The following CELF2 variants were observed in gnomAD, a reference collection of about 807,000 sequenced individuals.
CELF2 encodes CUG triplet repeat RNA-binding protein 2.
CELF2 carries 8 observed loss-of-function variants against 62.6 expected under a neutral mutation model. That is an observed-to-expected ratio of 0.13 (90% CI 0.07 to 0.23). The LOEUF (loss-of-function observed/expected upper bound fraction) is 0.23, where lower values mean the gene tolerates loss of function less well. CELF2 is among the 10% of genes least tolerant of loss of function. CELF2 has a pLI of 1.00. For missense variants in CELF2, 333 were observed against 671.0 expected, an observed-to-expected ratio of 0.50 and a Z score of 5.56; for synonymous variants, 258 against 250.0, an observed-to-expected ratio of 1.03 and a Z score of -0.30.
the CELF2 span, among the ~76,000 whole-genome samples, chr10:10,497,854 C>T: frequency 6.6e-6 from 1 of 152,330 alleles, no homozygotes; most frequent in East Asian, 1.9e-4. Flanking sequence ...TGAGCAAGGA[C>T]ATAACTGGAC....
At chr10:11,284,968 G>A (rs1056208186) in intron 8 of CELF2, among the ~76,000 whole-genome samples, 9 of 111,500 alleles carry the variant, frequency 8.1e-5, no homozygotes, top group African/African-American at 3.1e-4. Flanking sequence ...ATGAGGGATG[G>A]ATGAGTGTGT....
chr10:10,540,264 T>C, the CELF2 span, among the ~76,000 whole-genome samples: 1 of 152,182 alleles, frequency 6.6e-6, no homozygotes, highest in African/African-American at 2.4e-5. Context: ...ACTCACAGAC[T>C]AAAAACCCAA....
At chr10:10,599,445 C>T in the CELF2 span, among the ~76,000 whole-genome samples, 1 of 152,178 alleles carries the variant, frequency 6.6e-6, no homozygotes, top group East Asian at 1.9e-4. Context: ...TTCATATTTA[C>T]TAGCAGTAGG....
chr10:10,965,398 A>G (rs2050016987), intron 2 of CELF2, among the ~76,000 whole-genome samples: 2 of 152,198 alleles, frequency 1.3e-5, no homozygotes, highest in South Asian at 4.1e-4. Flanking sequence ...GCTTTAATTG[A>G]TCTGTGATTA....
rs1342064789 is a variant in CELF2, at chr10:11,268,152, A to T, written c.618+1475A>T. On this transcript the variant is annotated intron_variant, in intron 6 of 12. Coordinates refer to ENST00000633077, the MANE Select transcript of CELF2 (RefSeq NM_001326342.2). The surrounding 1 kb of genome is among the most constrained non-coding windows in gnomAD (Gnocchi z 4.7). ...TACTGAGGCCGCTCCATTCCTGTGG[A>T]TTAGCCTGATTTCCAGCCACATTTT... Among the ~76,000 whole-genome samples the T allele has an allele frequency of 6.6e-6, 1 of 152,158 alleles. No individual in the cohort carries two copies. Among genetic ancestry groups the T allele is most frequent in the South Asian group, 2.1e-4 (1 of 4,826 alleles).
rs1315898073 is a variant in CELF2, at chr10:11,011,575, C to T, written c.53+6135C>T. On this transcript the variant is annotated intron_variant, in intron 1 of 12. Transcript: ENST00000416382. This position sits in a 1 kb window ranked among gnomAD's most constrained non-coding sequence, Gnocchi z 4.6. ...TCTTACCTGCCCTATTCCTATGAAA[C>T]AGGGCAAATATGTAGCTATTCATAT... Among the ~76,000 whole-genome samples the T allele has an allele frequency of 6.6e-6, 1 of 151,662 alleles. No homozygotes were observed. The highest frequency in any genetic ancestry group is 1.5e-5 in the Non-Finnish European group (1 of 67,974).
At position 11,224,397 on chromosome 10, in the gene CELF2, C is replaced by T. The variant is rs1330659596; in HGVS notation, c.354+6890C>T. Among the ~76,000 whole-genome samples, 1 of 152,034 alleles carries T rather than the reference C, an allele frequency of 6.6e-6. No homozygotes were observed. The highest frequency in any genetic ancestry group is 1.5e-5 in the Non-Finnish European group (1 of 68,008). On this transcript the variant is annotated intron_variant, in intron 3 of 12. Transcript: ENST00000633077. This position sits in a 1 kb window ranked among gnomAD's most constrained non-coding sequence, Gnocchi z 4.5. ...AGGATGGTACAATGGCAAAATGAAG[C>T]CATAGTTAGATTTCAGAGATAATCA...
intron 3 of CELF2, among the ~76,000 whole-genome samples, chr10:11,241,635 C>G (rs2073934874): frequency 6.6e-6 from 1 of 152,130 alleles, no homozygotes; most frequent in Non-Finnish European, 1.5e-5. Context: ...GAAGGTTCTT[C>G]TTTAGTGCTG....
At chr10:11,149,644 T>C (rs2062948646) in intron 1 of CELF2, among the ~76,000 whole-genome samples, 1 of 152,248 alleles carries the variant, frequency 6.6e-6, no homozygotes, top group South Asian at 2.1e-4. Context: ...TCCCGTGCTC[T>C]GCTCTCACTG....
the CELF2 span, among the ~76,000 whole-genome samples, chr10:10,525,855 C>T: frequency 6.6e-6 from 1 of 152,182 alleles, no homozygotes; most frequent in East Asian, 1.9e-4. Flanking sequence ...GTGGATCATA[C>T]TGGATCATAT....
chr10:10,943,567 A>G (rs1167719467), intron 2 of CELF2, among the ~76,000 whole-genome samples: 1 of 152,174 alleles, frequency 6.6e-6, no homozygotes, highest in Admixed American at 6.5e-5. Flanking sequence ...AGAACTAGCT[A>G]TATCAGCTAC....
chr10:11,085,043 A>G (rs1438179283), intron 1 of CELF2, among the ~76,000 whole-genome samples: 1 of 152,224 alleles, frequency 6.6e-6, no homozygotes, highest in Non-Finnish European at 1.5e-5. Context: ...TGATAATACA[A>G]TGATATTCTC....
In CELF2 at chr10:11,029,300, T is replaced by C. The variant is rs191593991; in HGVS notation, c.74+11137T>C. On this transcript the variant is annotated intron_variant, in intron 1 of 12. Coordinates refer to ENST00000633077, the MANE Select transcript of CELF2 (RefSeq NM_001326342.2). ...GGTTAATAAAAAAGGCACTTCTTTA[T>C]TCTGATGTAGCTGATAGGGTCTTTG... is the stretch of plus-strand genomic sequence containing the variant. 3.1e-3 allele frequency among the ~76,000 whole-genome samples: 471 copies of C among 152,322 alleles called. 12 individuals are homozygous for C. The highest frequency in any genetic ancestry group is 2.0e-3 in the Non-Finnish European group (136 of 68,024).
the CELF2 span, among the ~76,000 whole-genome samples, chr10:10,664,581 A>G: frequency 6.6e-5 from 10 of 152,208 alleles, no homozygotes; most frequent in Non-Finnish European, 1.2e-4. Flanking sequence ...ACTTTTTTCA[A>G]TTTCAACAAC....
intron 1 of CELF2, among the ~76,000 whole-genome samples, chr10:10,879,848 C>G (rs542605502): frequency 6.6e-6 from 1 of 152,308 alleles, no homozygotes; most frequent in Non-Finnish European, 1.5e-5. Context: ...ACCTGCCACT[C>G]CCCACATACA....
chr10:10,639,693 C>T, the CELF2 span, among the ~76,000 whole-genome samples: 3 of 152,066 alleles, frequency 2.0e-5, no homozygotes, highest in Non-Finnish European at 4.4e-5. Flanking sequence ...TTTTATGTTT[C>T]GTGTAGGCTT....
At chr10:10,615,761 T>C in the CELF2 span, among the ~76,000 whole-genome samples, 3 of 152,126 alleles carry the variant, frequency 2.0e-5, no homozygotes, top group African/African-American at 7.2e-5. Flanking sequence ...CCTTCCACCA[T>C]GATTGTAAGT....
intron 2 of CELF2, among the ~76,000 whole-genome samples, chr10:10,949,515 G>C (rs1386081826): frequency 6.6e-6 from 1 of 152,102 alleles, no homozygotes; most frequent in East Asian, 1.9e-4. Context: ...CCAGAGGCCA[G>C]GCATGGTGGC....
At chr10:11,149,708 G>A (rs576844400) in intron 1 of CELF2, among the ~76,000 whole-genome samples, 2 of 152,266 alleles carry the variant, frequency 1.3e-5, no homozygotes, top group South Asian at 2.1e-4. Flanking sequence ...TTTCCAAGCT[G>A]TCCACAGAGA....
Sources: allele counts gnomAD v4.1 joint callset (sites outside exome capture counted in the v4.1 genomes callset), GRCh38; gene constraint gnomAD v4.1.1; non-coding constraint Gnocchi (gnomAD v3.1); transcripts MANE v1.5; gene names NCBI Gene and HGNC (gene_info 2026-07-23, HGNC 2026-07-21).